Variants in FAM222B observed in about 807,000 individuals in gnomAD.
FAM222B encodes family with sequence similarity 222 member B.
In FAM222B, 12 loss-of-function variants were observed where a neutral mutation model predicts 38.0. The ratio of observed to expected loss-of-function variants is 0.32; its 90% CI spans 0.20 to 0.51. FAM222B has a LOEUF of 0.51. FAM222B is among the 20% of genes least tolerant of loss of function. The pLI, the probability that FAM222B is intolerant of heterozygous loss-of-function variation, is 0.97. For missense variants in FAM222B, 716 were observed against 754.2 expected (o/e 0.95, Z 0.59); for synonymous variants, 329 against 317.2 (o/e 1.04, Z -0.40).
At chr17:28,845,093 C>T (rs955959096), upstream of FAM222B, among the ~76,000 whole-genome samples, 5 of 150,490 alleles carry the variant, frequency 3.3e-5, no homozygotes, top group African/African-American at 1.2e-4. Context: ...CAGAGTGAGA[C>T]TCCATCTCAA....
intron 1 of FAM222B, among the ~76,000 whole-genome samples, chr17:28,819,442 G>C (rs1378778784): frequency 6.6e-6 from 1 of 152,148 alleles, no homozygotes; most frequent in Non-Finnish European, 1.5e-5. Context: ...GTGGTGGAAA[G>C]TGCCTTCTCC....
intron 1 of FAM222B, among the ~76,000 whole-genome samples, chr17:28,772,292 C>T (rs972557435): frequency 2.0e-5 from 3 of 151,926 alleles, no homozygotes; most frequent in Admixed American, 6.6e-5. Flanking sequence ...CAGAAAGAGC[C>T]AACGTTTGAA....
intron 1 of FAM222B, among the ~76,000 whole-genome samples, chr17:28,785,873 A>C (rs746250675): frequency 5.3e-5 from 8 of 152,082 alleles, no homozygotes; most frequent in Admixed American, 1.3e-4. Flanking sequence ...ATGCCCTGCT[A>C]ATTTTTTTGT....
chr17:28,842,260 C>G (rs1331762986), intron 1 of FAM222B, among the ~76,000 whole-genome samples: 1 of 152,082 alleles, frequency 6.6e-6, no homozygotes, highest in African/African-American at 2.4e-5. Flanking sequence ...AGAGGGTTCC[C>G]GACTCCCATC....
upstream of FAM222B, among the ~76,000 whole-genome samples, chr17:28,846,419 C>T (rs900516781): frequency 1.3e-5 from 2 of 151,850 alleles, no homozygotes; most frequent in Non-Finnish European, 2.9e-5. Flanking sequence ...CGGTGACTCA[C>T]GCCTGTAATG....
At position 28,822,858 on chromosome 17, in the gene FAM222B, TATATATACACAC is replaced by T. The variant is rs1356850914; in HGVS notation, c.-41+19812_-41+19823del. ...ATATATATATATATATATATATATA[TATATATACACAC>T]ATATATATATATACACACACACATA... On this transcript the variant is annotated intron_variant, in intron 1 of 2. Coordinates refer to ENST00000581407, the MANE Select transcript of FAM222B (RefSeq NM_001077498.3). Among the ~76,000 whole-genome samples the T allele has an allele frequency of 2.4e-3, 236 of 97,626 alleles. 4 individuals carry two copies. Among genetic ancestry groups the T allele is most frequent in the African/African-American group, 0.01 (224 of 22,338 alleles). 64.0% of individuals were successfully genotyped at this position (97,626 alleles called of 152,430 possible).
chr17:28,768,964 A>C (rs2035477648), intron 1 of FAM222B, among the ~76,000 whole-genome samples: 1 of 152,050 alleles, frequency 6.6e-6, no homozygotes. Flanking sequence ...AAGAGAATTA[A>C]CAAGTACTGG....
Position 28,803,015 on chromosome 17 carries a change from C to CT in FAM222B, c.-40-36309dup, listed in dbSNP as rs1040738952. 1.6e-3 allele frequency among the ~76,000 whole-genome samples: 238 copies of CT among 146,182 alleles called. 1 individual carries two copies. The highest frequency in any genetic ancestry group is 2.5e-3 in the African/African-American group (99 of 40,138). On this transcript the variant is annotated intron_variant, in intron 1 of 2. Transcript: ENST00000581407. ...AGAGAGGTTTGTTTCTTTGCTTTTT[C>CT]TTTTTTTTTTTGAGAGGGAGTCCCA... is the stretch of plus-strand genomic sequence containing the variant.
chr17:28,759,598 C>T lies in FAM222B; in HGVS notation c.361G>A (p.Ala121Thr). 1 of 1,612,564 alleles carries T rather than the reference C, an allele frequency of 6.2e-7. No homozygotes were observed. Among genetic ancestry groups the T allele is most frequent in the Non-Finnish European group, 8.5e-7 (1 of 1,179,336 alleles). ...SILKDFDGTR[A>T]RLLPEAIMNP... is the part of the protein sequence containing the mutation. The stretch of plus-strand genomic sequence containing the variant: ...ATGATGGCCTCAGGGAGCAACCGGG[C>T]TCGGGTGCCGTCAAAGTCCTTGAGT... Residue 121 changes from alanine to threonine, a missense_variant, in exon 3 of 3, where the codon GCC (alanine) becomes ACC (threonine). Coordinates refer to ENST00000581407, the MANE Select transcript of FAM222B (RefSeq NM_001077498.3). This position sits in a 1 kb window ranked among gnomAD's most constrained non-coding sequence, Gnocchi z 4.8.
At chr17:28,811,166 C>T (rs1464777440) in intron 1 of FAM222B, among the ~76,000 whole-genome samples, 1 of 152,136 alleles carries the variant, frequency 6.6e-6, no homozygotes, top group Non-Finnish European at 1.5e-5. Flanking sequence ...TTAGGCCAGG[C>T]GCGGTGGCTC....
Position 28,815,615 on chromosome 17 carries a change from T to G in FAM222B, c.-41+27067A>C, listed in dbSNP as rs1324632889. ...GTCAGGGTGGGTGGATCACTTGAGC[T>G]CAGGAGTTCAAGACCAGCCTGGGCA... On this transcript the variant is annotated intron_variant, in intron 1 of 2. Transcript: ENST00000581407. Among the ~76,000 whole-genome samples, 2 of 152,024 alleles carry G rather than the reference T, an allele frequency of 1.3e-5. 1 individual carries two copies. The highest frequency in any genetic ancestry group is 4.1e-4 in the South Asian group (2 of 4,826).
intron 1 of FAM222B, among the ~76,000 whole-genome samples, chr17:28,831,438 A>G (rs1052105796): frequency 3.3e-5 from 5 of 151,778 alleles, no homozygotes; most frequent in African/African-American, 1.2e-4. Context: ...TCCTTTTTCA[A>G]AATTGTTTTG....
rs2035343861 is a variant in FAM222B, at chr17:28,766,656, A to T, written c.12T>A (p.Cys4Ter). The change falls in exon 2 of 3, where the codon TGT becomes TGA. Residue 4 changes from cysteine (C) to a stop codon, truncating the protein, a stop_gained. Coordinates refer to ENST00000581407, the MANE Select transcript of FAM222B (RefSeq NM_001077498.3). LOFTEE classifies it high-confidence loss of function. MLA[C>*]LPGPGDLSFQ... is the part of the protein sequence containing the mutation. The stretch of plus-strand genomic sequence containing the variant: ...AGGACAGGTCACCTGGCCCTGGTAG[A>T]CAGGCTAGCATGGCAGATTGGCATC... The T allele has an allele frequency of 6.2e-7, 1 of 1,603,820 alleles. No individual in the cohort carries two copies.
chr17:28,775,127 A>C (rs890213941), intron 1 of FAM222B, among the ~76,000 whole-genome samples: 1 of 148,542 alleles, frequency 6.7e-6, no homozygotes, highest in Admixed American at 6.8e-5. Context: ...CAGCCTCCTG[A>C]GTAGCTGGGA....
chr17:28,795,264 C>T (rs1165435532), intron 1 of FAM222B, among the ~76,000 whole-genome samples: 1 of 152,170 alleles, frequency 6.6e-6, no homozygotes, highest in Non-Finnish European at 1.5e-5. Context: ...CCCACCTCAG[C>T]CTGCCAAGTA....
chr17:28,804,563 T>C (rs2037391035), intron 1 of FAM222B, among the ~76,000 whole-genome samples: 1 of 151,766 alleles, frequency 6.6e-6, no homozygotes, highest in African/African-American at 2.4e-5. Flanking sequence ...CTTGATCTCT[T>C]GACCTTGTGA....
chr17:28,758,509 G>A lies in FAM222B; in HGVS notation c.1450C>T (p.Pro484Ser). The change falls in exon 3 of 3, where the codon CCC becomes TCC. Residue 484 changes from proline to serine, a missense_variant. Physicochemically the swap from Pro to Ser is moderately conservative, Grantham distance 74. Coordinates refer to ENST00000581407, the MANE Select transcript of FAM222B (RefSeq NM_001077498.3). ...CCGGGAGCTGCCGCACAGTCGAGGGGTGCACCTGTGGGCTGCCCACCGTGG... is the reference window on the plus strand; with the variant it reads ...CCGGGAGCTGCCGCACAGTCGAGGGATGCACCTGTGGGCTGCCCACCGTGG... ...PFHGGQPTGAPLDCAAAPGAH... is the reference protein window; with the variant it reads ...PFHGGQPTGASLDCAAAPGAH... 4 of 1,612,078 alleles carry A rather than the reference G, an allele frequency of 2.5e-6. No homozygotes were observed. Among genetic ancestry groups the A allele is most frequent in the Non-Finnish European group, 3.4e-6 (4 of 1,179,828 alleles).
chr17:28,854,836 G>T (rs2039215515), intron 1 of FAM222B: 2 of 570,964 alleles, frequency 3.5e-6, no homozygotes, highest in Non-Finnish European at 5.9e-6. Flanking sequence ...CGTCATGCTT[G>T]CACAGACTCT....
At chr17:28,788,331 T>C (rs1490537836) in intron 1 of FAM222B, among the ~76,000 whole-genome samples, 2 of 152,098 alleles carry the variant, frequency 1.3e-5, no homozygotes, top group African/African-American at 2.4e-5. Context: ...CTTGAACTTC[T>C]AGGCTTAACG....
Sources: gnomAD v4.1 joint callset for allele counts (sites outside exome capture counted in the v4.1 genomes callset) on GRCh38, gnomAD v4.1.1 for gene constraint, Gnocchi (gnomAD v3.1) non-coding constraint, MANE v1.5 for transcripts, NCBI Gene and HGNC (gene_info 2026-07-23, HGNC 2026-07-21) for gene names.